TCF7L2: variants seen among roughly 807,000 people sequenced by gnomAD.
TCF7L2 encodes the protein transcription factor 7 like 2, also known as transcription factor 7-like 2.
A neutral mutation model predicts 77.9 loss-of-function variants in TCF7L2; 23 were observed. The ratio of observed to expected loss-of-function variants is 0.30; its 90% CI spans 0.21 to 0.42. TCF7L2 has a LOEUF of 0.42. Among genes scored for constraint, TCF7L2 ranks in the 10% least tolerant of loss-of-function variants. The probability of loss-of-function intolerance (pLI) is 1.00; values close to 1 mark genes in which losing one functional copy is unlikely to be tolerated. For synonymous variants in TCF7L2, 413 were observed against 340.2 expected, an observed-to-expected ratio of 1.21 and a Z score of -2.36; for missense variants, 654 against 793.1, an observed-to-expected ratio of 0.82 and a Z score of 2.11.
chr10:113,116,406 C>T (rs1431380263), intron 5 of TCF7L2, among the ~76,000 whole-genome samples: 3 of 151,940 alleles, frequency 2.0e-5, no homozygotes, highest in African/African-American at 7.3e-5. Flanking sequence ...TAATATTTTC[C>T]CTTGTAGTGT....
In TCF7L2 at chr10:113,151,593, A is replaced by T; in HGVS notation, c.1002-132A>T. 1 of 1,185,650 alleles carries T rather than the reference A, an allele frequency of 8.4e-7. No homozygotes were observed. The highest frequency in any genetic ancestry group is 1.5e-5 in the African/African-American group (1 of 64,906). 73.4% of individuals were successfully genotyped at this position (1,185,650 alleles called of 1,614,324 possible). A position where few individuals can be genotyped will look rare whatever the true frequency, so the allele number is the denominator to read the frequency against. On this transcript the variant is annotated intron_variant, in intron 9 of 13. Coordinates refer to ENST00000627217, the MANE Select transcript of TCF7L2 (RefSeq NM_001146274.2). This position sits in a 1 kb window ranked among gnomAD's most constrained non-coding sequence, Gnocchi z 5.2. ...GTTCCATTTTCCGGGGTGCAGAAGA[A>T]CTAAAAGCATGCTTTTTAATCCAAA...
intron 4 of TCF7L2, among the ~76,000 whole-genome samples, chr10:112,975,429 C>T (rs982295792): frequency 2.6e-5 from 4 of 152,076 alleles, no homozygotes; most frequent in African/African-American, 7.2e-5. Context: ...GAGAATTCTT[C>T]GTTGCAGGGG....
intron 7 of TCF7L2, 78 bp from the exon 8 acceptor site, chr10:113,145,933 C>A: frequency 1.6e-6 from 2 of 1,242,090 alleles, no homozygotes; most frequent in South Asian, 1.3e-5. Context: ...GCAGAGAGAA[C>A]TTTTCCCTTT....
chr10:113,109,185 C>T (rs2062804624), intron 5 of TCF7L2, among the ~76,000 whole-genome samples: 1 of 152,174 alleles, frequency 6.6e-6, no homozygotes, highest in Non-Finnish European at 1.5e-5. Flanking sequence ...GTAGTGTTGA[C>T]TTGAAGGGGA....
chr10:112,954,132 A>G (rs1399650998), intron 3 of TCF7L2, among the ~76,000 whole-genome samples: 1 of 152,232 alleles, frequency 6.6e-6, no homozygotes, highest in Non-Finnish European at 1.5e-5. Context: ...GGAGGAATGC[A>G]TAGGCAAGAT....
intron 3 of TCF7L2, among the ~76,000 whole-genome samples, chr10:112,955,793 G>A (rs2033397184): frequency 6.6e-6 from 1 of 152,160 alleles, no homozygotes; most frequent in Non-Finnish European, 1.5e-5. Flanking sequence ...GATCAAGAAT[G>A]CTGTTCTGTT....
At chr10:112,990,681 G>A (rs1564752508) in intron 4 of TCF7L2, among the ~76,000 whole-genome samples, 2 of 151,988 alleles carry the variant, frequency 1.3e-5, no homozygotes, top group Admixed American at 6.6e-5. Flanking sequence ...ACTGCAGCCT[G>A]GATGACTGAG....
chr10:113,162,905 T>C (rs982520576), intron 13 of TCF7L2, among the ~76,000 whole-genome samples: 1 of 151,148 alleles, frequency 6.6e-6, no homozygotes, highest in African/African-American at 2.4e-5. Context: ...AGGTTGGGGG[T>C]GCTAAGAGTA....
intron 5 of TCF7L2, among the ~76,000 whole-genome samples, chr10:113,060,607 TGTCA>T (rs757129184): frequency 5.9e-5 from 9 of 152,120 alleles, no homozygotes; most frequent in Non-Finnish European, 8.8e-5. Context: ...TTCTGCTTCC[TGTCA>T]GTCAGGAAGT....
At chr10:113,085,610 A>C (rs1352564833) in intron 5 of TCF7L2, among the ~76,000 whole-genome samples, 1 of 152,228 alleles carries the variant, frequency 6.6e-6, no homozygotes, top group African/African-American at 2.4e-5. Context: ...AATGGAATAC[A>C]CAAATATTAC....
At chr10:113,115,739 C>CGA (rs2063644459) in intron 5 of TCF7L2, among the ~76,000 whole-genome samples, 3 of 151,974 alleles carry the variant, frequency 2.0e-5, no homozygotes, top group African/African-American at 7.3e-5. Context: ...GAGCTGTGTG[C>CGA]GGCCTCCATT....
At chr10:113,026,614 A>G (rs2049227995) in intron 4 of TCF7L2, among the ~76,000 whole-genome samples, 1 of 152,220 alleles carries the variant, frequency 6.6e-6, no homozygotes, top group South Asian at 2.1e-4. Context: ...CTCTGCTACC[A>G]AGCCATTTCT....
chr10:113,048,776 T>C lies in TCF7L2; in HGVS notation c.552+8650T>C, dbSNP rs74481275. 3.9e-5 allele frequency among the ~76,000 whole-genome samples: 6 copies of C among 152,310 alleles called. No individual in the cohort carries two copies. The East Asian group carries it at 1.2e-3, about 29-fold the overall frequency. On this transcript the variant is annotated intron_variant, in intron 5 of 13. Transcript: ENST00000627217. ...CCTCAATCTTGGTTTACGATGTCTGTTTCTGAGGAATCCTGGGATGGGGCC... is the reference window on the plus strand; with the variant it reads ...CCTCAATCTTGGTTTACGATGTCTGCTTCTGAGGAATCCTGGGATGGGGCC...
intron 5 of TCF7L2, among the ~76,000 whole-genome samples, chr10:113,119,681 T>TAA (rs200785657): frequency 2.6e-4 from 38 of 148,916 alleles, no homozygotes; most frequent in Non-Finnish European, 4.5e-4. Context: ...TTTTTTTTTT[T>TAA]AAAAAAACTT....
intron 5 of TCF7L2, among the ~76,000 whole-genome samples, chr10:113,137,337 G>A (rs570407398): frequency 1.3e-5 from 2 of 152,288 alleles, no homozygotes; most frequent in African/African-American, 4.8e-5. Context: ...CATTTTCAAA[G>A]CATCTTTGTA....
At chr10:113,165,496 ACTCT>A (rs112122328) in intron 13 of TCF7L2, 55 bp from the exon 15 acceptor site, 2 of 1,570,352 alleles carry the variant, frequency 1.3e-6, no homozygotes, top group African/African-American at 1.4e-5. Flanking sequence ...GCATTAGGTA[ACTCT>A]CTCCCTTGGC....
At position 113,167,490 on chromosome 10, in the gene TCF7L2, A is replaced by G; in HGVS notation, c.*1518A>G. Reference sequence around the variant, plus strand: ...TCTGGTTTATTAAAATGCTAACTATAACATTTTTTGTGAATACTTTGAATG... The same window carrying G: ...TCTGGTTTATTAAAATGCTAACTATGACATTTTTTGTGAATACTTTGAATG... On this transcript the variant is annotated 3_prime_UTR_variant, in exon 14 of 14. Coordinates refer to ENST00000627217, the MANE Select transcript of TCF7L2 (RefSeq NM_001146274.2). The G allele has an allele frequency of 4.5e-6, 1 of 221,024 alleles. No individual in the cohort carries two copies. 13.7% of individuals were successfully genotyped at this position (221,024 alleles called of 1,614,324 possible).
intron 5 of TCF7L2, among the ~76,000 whole-genome samples, chr10:113,044,451 T>A (rs141848200): frequency 1.5e-3 from 236 of 152,274 alleles, no homozygotes; most frequent in African/African-American, 5.3e-3. Context: ...CGATGGGATG[T>A]TTGACCTGGA....
intron 5 of TCF7L2, among the ~76,000 whole-genome samples, chr10:113,130,254 T>C (rs2066373900): frequency 1.3e-5 from 2 of 152,280 alleles, no homozygotes; most frequent in South Asian, 4.1e-4. Context: ...CTTACACTTC[T>C]ATGGTAAGGC....
Sources: gnomAD v4.1 joint callset for allele counts (sites outside exome capture counted in the v4.1 genomes callset) on GRCh38, gnomAD v4.1.1 for gene constraint, Gnocchi (gnomAD v3.1) non-coding constraint, MANE v1.5 for transcripts, NCBI Gene and HGNC (gene_info 2026-07-23, HGNC 2026-07-21) for gene names.